UACA: variants seen among roughly 807,000 people sequenced by gnomAD.
The protein encoded by UACA is nuclear membrane binding protein.
UACA carries 112 observed loss-of-function variants against 160.5 expected under a neutral mutation model. The observed-to-expected ratio is 0.70, with a 90% CI of 0.60 to 0.82. UACA has a LOEUF of 0.82. Ranked by LOEUF, UACA falls within the 40% of genes least tolerant of loss-of-function variation. The probability of loss-of-function intolerance (pLI) is 0.00; values close to 1 mark genes in which losing one functional copy is unlikely to be tolerated. For synonymous variants in UACA, 557 were observed against 568.4 expected (o/e 0.98, Z 0.29); for missense variants, 1,574 against 1,614.6 (o/e 0.97, Z 0.43).
chr15:70,770,166 T>C, the UACA span, among the ~76,000 whole-genome samples: 1 of 152,252 alleles, frequency 6.6e-6, no homozygotes, highest in Non-Finnish European at 1.5e-5. Flanking sequence ...AAAATTATTT[T>C]CTGCATGCTC....
chr15:70,669,773 A>AC (rs1471013579), intron 15 of UACA, among the ~76,000 whole-genome samples: 1 of 152,112 alleles, frequency 6.6e-6, no homozygotes, highest in Non-Finnish European at 1.5e-5. Flanking sequence ...ATTAACACCT[A>AC]CCCACACATG....
At chr15:70,658,117 T>C (rs913404282) in intron 18 of UACA, among the ~76,000 whole-genome samples, 1 of 152,094 alleles carries the variant, frequency 6.6e-6, no homozygotes, top group East Asian at 1.9e-4. Flanking sequence ...AAGTAATTGA[T>C]TTAAAAAACC....
the UACA span, among the ~76,000 whole-genome samples, chr15:70,771,651 G>A: frequency 6.6e-6 from 1 of 152,184 alleles, no homozygotes; most frequent in Non-Finnish European, 1.5e-5. Context: ...AATAAAAAGG[G>A]TAATGTGCTA....
rs1023297488 is a variant in UACA, at chr15:70,656,494, T to A, written c.*562A>T. 4.6e-5 allele frequency: 7 copies of A among 152,112 alleles called. No homozygotes were observed. Among genetic ancestry groups the A allele is most frequent in the African/African-American group, 1.7e-4 (7 of 41,408 alleles). 9.4% of individuals were successfully genotyped at this position (152,112 alleles called of 1,614,324 possible). A position where few individuals can be genotyped will look rare whatever the true frequency, so the allele number is the denominator to read the frequency against. Reference sequence around the variant, plus strand: ...GAAAATAAATTTATTTTAAAAGGCATAAAAGTTATTAGTGTAAAAAGAAAA... The same window carrying A: ...GAAAATAAATTTATTTTAAAAGGCAAAAAAGTTATTAGTGTAAAAAGAAAA... On this transcript the variant is annotated 3_prime_UTR_variant, in exon 19 of 19. Coordinates refer to ENST00000322954, the MANE Select transcript of UACA (RefSeq NM_018003.4).
chr15:70,678,013 A>G (rs1897350779), intron 11 of UACA, 86 bp downstream of exon 11: 1 of 1,040,556 alleles, frequency 9.6e-7, no homozygotes, highest in Admixed American at 2.6e-5. Flanking sequence ...GCAATGAGCT[A>G]ATTTTACCTT....
At chr15:70,740,125 A>C (rs1378542636) in intron 1 of UACA, among the ~76,000 whole-genome samples, 1 of 152,000 alleles carries the variant, frequency 6.6e-6, no homozygotes, top group Non-Finnish European at 1.5e-5. Context: ...AATTGTTTCC[A>C]CAATACTTAT....
chr15:70,762,799 C>T (rs1004056994), intron 1 of UACA, among the ~76,000 whole-genome samples: 2 of 152,256 alleles, frequency 1.3e-5, no homozygotes, highest in Non-Finnish European at 2.9e-5. Flanking sequence ...CACGGGACGT[C>T]CACCAGCCCG....
the UACA span, among the ~76,000 whole-genome samples, chr15:70,776,957 A>C: frequency 6.6e-6 from 1 of 152,170 alleles, no homozygotes; most frequent in African/African-American, 2.4e-5. Flanking sequence ...TAGGAGCAGG[A>C]GTCTAGATCA....
At chr15:70,738,678 T>G (rs959245426) in intron 1 of UACA, among the ~76,000 whole-genome samples, 6 of 152,210 alleles carry the variant, frequency 3.9e-5, no homozygotes, top group East Asian at 1.9e-4. Flanking sequence ...TAACATGCTA[T>G]TCCCTCTATC....
At chr15:70,719,375 T>C (rs1487301890) in intron 1 of UACA, among the ~76,000 whole-genome samples, 1 of 152,132 alleles carries the variant, frequency 6.6e-6, no homozygotes, top group Non-Finnish European at 1.5e-5. Context: ...CCCCAGTAAA[T>C]CCACTCAGTG....
At chr15:70,702,463 A>C (rs181052883) in intron 1 of UACA, among the ~76,000 whole-genome samples, 2 of 152,332 alleles carry the variant, frequency 1.3e-5, no homozygotes, top group East Asian at 1.9e-4. Context: ...CTGAGTAATA[A>C]ATTTCAGGTC....
In UACA at chr15:70,684,345, T is replaced by C; in HGVS notation, c.704A>G (p.Asp235Gly). Residue 235 changes from aspartate to glycine, a missense_variant, in exon 8 of 19, where the codon GAT (aspartate) becomes GGT (glycine). Asp to Gly is a moderately conservative substitution (Grantham distance 94). Coordinates refer to ENST00000322954, the MANE Select transcript of UACA (RefSeq NM_018003.4). ...ACCAATTCTTGCATAGTAAGAACTA[T>C]CATGGCCAAGCGCATCCAGCAAGCT... ...DISLLDALGH[D>G]SSYYARIGDN... is the part of the protein sequence containing the mutation. The C allele has an allele frequency of 1.2e-6, 2 of 1,613,852 alleles. No individual in the cohort carries two copies. Among genetic ancestry groups the C allele is most frequent in the Non-Finnish European group, 1.7e-6 (2 of 1,179,810 alleles).
At chr15:70,763,686 C>T (rs1219164701), upstream of UACA, 1 of 415,362 alleles carries the variant, frequency 2.4e-6, no homozygotes, top group African/African-American at 2.1e-5. Context: ...TAACACCCTT[C>T]CTCTCCCAGC....
At chr15:70,770,159 A>G in the UACA span, among the ~76,000 whole-genome samples, 1 of 152,176 alleles carries the variant, frequency 6.6e-6, no homozygotes, top group Non-Finnish European at 1.5e-5. Context: ...GTTCATGAAA[A>G]TTATTTTCTG....
chr15:70,679,038 CTT>C (rs1897385837), intron 10 of UACA, among the ~76,000 whole-genome samples: 3 of 152,142 alleles, frequency 2.0e-5, no homozygotes, highest in African/African-American at 7.2e-5. Flanking sequence ...CTACACCATA[CTT>C]CTAGCGTTAC....
intron 16 of UACA, 69 bp from the exon 17 acceptor site, chr15:70,664,883 A>C: frequency 1.4e-6 from 2 of 1,399,652 alleles, no homozygotes; most frequent in Non-Finnish European, 1.9e-6. Flanking sequence ...TTTGTACAGA[A>C]ATCATTCCTT....
chr15:70,698,334 A>AAC (rs1168032419), intron 2 of UACA, among the ~76,000 whole-genome samples: 1 of 152,222 alleles, frequency 6.6e-6, no homozygotes, highest in Non-Finnish European at 1.5e-5. Context: ...TTCATCTTTT[A>AAC]ACATCTTAGC....
intron 1 of UACA, among the ~76,000 whole-genome samples, chr15:70,721,504 G>GT (rs1002754121): frequency 6.6e-5 from 10 of 152,066 alleles, no homozygotes; most frequent in Non-Finnish European, 1.2e-4. Flanking sequence ...GCGGGAGCCT[G>GT]TAGTTCCAGC....
intron 1 of UACA, among the ~76,000 whole-genome samples, chr15:70,738,984 G>C (rs1456884184): frequency 6.6e-6 from 1 of 152,184 alleles, no homozygotes; most frequent in African/African-American, 2.4e-5. Context: ...GACTTTTTGA[G>C]ATGCAGGTTC....
Sources: allele counts gnomAD v4.1 joint callset (sites outside exome capture counted in the v4.1 genomes callset), GRCh38; gene constraint gnomAD v4.1.1; transcripts MANE v1.5; gene names NCBI Gene and HGNC (gene_info 2026-07-23, HGNC 2026-07-21).